Variants in SLC18A2 observed in about 807,000 individuals in gnomAD.
The protein encoded by SLC18A2 is solute carrier family 18 member A2.
A neutral mutation model predicts 59.2 loss-of-function variants in SLC18A2; 33 were observed. The observed-to-expected ratio is 0.56, with a 90% CI of 0.42 to 0.75. The LOEUF is 0.75. SLC18A2 is among the 30% of genes least tolerant of loss of function. The pLI, the probability that SLC18A2 is intolerant of heterozygous loss-of-function variation, is 0.00. For missense variants in SLC18A2, 569 were observed against 668.6 expected (o/e 0.85, Z 1.64); for synonymous variants, 228 against 253.5 (o/e 0.90, Z 0.95).
chr10:117,268,883 G>C (rs1844381889), intron 13 of SLC18A2, among the ~76,000 whole-genome samples: 1 of 150,550 alleles, frequency 6.6e-6, no homozygotes. Flanking sequence ...GTGTGTATGA[G>C]TGTGTATGTG....
rs1159604282 is a variant in SLC18A2, at chr10:117,268,838, G to GTA, written c.1186+1103_1186+1104insAT. On this transcript the variant is annotated intron_variant, in intron 13 of 15. Transcript: ENST00000644641. ...TGTATGTATGTTTATGTGTGTGTGT[G>GTA]TGTGTATGCATGTGTATCCATGTAT... Among the ~76,000 whole-genome samples, 109 of 152,216 alleles carry GTA rather than the reference G, an allele frequency of 7.2e-4. 1 individual carries two copies. Among genetic ancestry groups the GTA allele is most frequent in the African/African-American group, 2.6e-3 (106 of 41,522 alleles).
chr10:117,242,090 G>C (rs1038367517), intron 2 of SLC18A2, among the ~76,000 whole-genome samples: 1 of 152,188 alleles, frequency 6.6e-6, no homozygotes. Flanking sequence ...GCATCCTCTT[G>C]CCTGCTTTCA....
At chr10:117,271,685 C>T (rs1258318792) in intron 15 of SLC18A2, among the ~76,000 whole-genome samples, 1 of 152,140 alleles carries the variant, frequency 6.6e-6, no homozygotes, top group Non-Finnish European at 1.5e-5. Context: ...TAGATGCTTC[C>T]CCAGCTCTGA....
rs75360018 is a variant in SLC18A2 at position 117,249,856 on chromosome 10, G to A, written c.465-3543G>A. Among the ~76,000 whole-genome samples, 631 of 152,176 alleles carry A rather than the reference G, an allele frequency of 4.1e-3. 2 individuals carry two copies. The highest frequency in any genetic ancestry group is 0.014 in the African/African-American group (582 of 41,508). ...TTACTCAAATTGGATTAACTGCTTC[G>A]TGATGCTCTGTAGAGGATGACCGTG... On this transcript the variant is annotated intron_variant, in intron 3 of 15. Coordinates refer to ENST00000644641, the MANE Select transcript of SLC18A2 (RefSeq NM_003054.6).
In SLC18A2 at chr10:117,269,905, T is replaced by C. The variant is rs1215376188; in HGVS notation, c.1187-166T>C. ...CCTCTGGGGGTCAGAAAAGGCTTCC[T>C]TCATTCTTTCTACTCAAAGATTAGT... On this transcript the variant is annotated intron_variant, in intron 13 of 15. Transcript: ENST00000644641. This position sits in a 1 kb window ranked among gnomAD's most constrained non-coding sequence, Gnocchi z 5.1. 6.6e-6 allele frequency among the ~76,000 whole-genome samples: 1 copy of C among 152,214 alleles called. No homozygotes were observed. Among genetic ancestry groups the C allele is most frequent in the East Asian group, 1.9e-4 (1 of 5,194 alleles).
chr10:117,262,494 A>G (rs959105694), intron 10 of SLC18A2, among the ~76,000 whole-genome samples: 3 of 151,898 alleles, frequency 2.0e-5, no homozygotes, highest in African/African-American at 7.3e-5. Context: ...CTTGTTGCTC[A>G]TACCCGCTGC....
intron 13 of SLC18A2, chr10:117,268,652 C>G (rs950820263): frequency 6.5e-6 from 1 of 152,818 alleles, no homozygotes; most frequent in Admixed American, 6.5e-5. Flanking sequence ...CCTCACCACT[C>G]AGCACACCTG....
Position 117,254,404 on chromosome 10 carries a change from G to C in SLC18A2, c.608-1G>C. ...TGTTGACTATTTCTTTCCCTGTGTA[G>C]GGATGGGCATGCTTGCCAGTGTCTA... On this transcript the variant is annotated splice_acceptor_variant, in intron 5 of 15. Coordinates refer to ENST00000644641, the MANE Select transcript of SLC18A2 (RefSeq NM_003054.6). LOFTEE classifies it high-confidence loss of function. The C allele has an allele frequency of 6.3e-7, 1 of 1,585,334 alleles. No individual in the cohort carries two copies. Among genetic ancestry groups the C allele is most frequent in the South Asian group, 1.1e-5 (1 of 87,222 alleles).
chr10:117,261,654 C>A (rs944479197), intron 10 of SLC18A2, among the ~76,000 whole-genome samples: 1 of 152,156 alleles, frequency 6.6e-6, no homozygotes, highest in Non-Finnish European at 1.5e-5. Flanking sequence ...CCCTGTTCTG[C>A]CTGCCTCCCT....
In SLC18A2 at chr10:117,269,533, G is replaced by T. The variant is rs1399750206; in HGVS notation, c.1187-538G>T. The stretch of plus-strand genomic sequence containing the variant: ...GTGTGTGTTCAGAGTTCCTGGCTCA[G>T]ACTCCCTGGCTCAGTGAGTGTGGTC... On this transcript the variant is annotated intron_variant, in intron 13 of 15. Transcript: ENST00000644641. This position sits in a 1 kb window ranked among gnomAD's most constrained non-coding sequence, Gnocchi z 5.1. 6.6e-6 allele frequency among the ~76,000 whole-genome samples: 1 copy of T among 152,196 alleles called. No homozygotes were observed. Among genetic ancestry groups the T allele is most frequent in the Non-Finnish European group, 1.5e-5 (1 of 68,044 alleles).
chr10:117,246,643 A>G (rs929389591), intron 3 of SLC18A2, among the ~76,000 whole-genome samples: 1 of 151,074 alleles, frequency 6.6e-6, no homozygotes, highest in Non-Finnish European at 1.5e-5. Context: ...ATATGGAAGG[A>G]CAAACAAATT....
At chr10:117,266,589 G>T in intron 10 of SLC18A2, 144 bp from the exon 11 acceptor site, 1 of 664,728 alleles carries the variant, frequency 1.5e-6, no homozygotes, top group Non-Finnish European at 2.6e-6. Context: ...GATCCGGCAG[G>T]CGCCGGATAT....
chr10:117,273,231 G>T (rs888232983), intron 15 of SLC18A2, among the ~76,000 whole-genome samples: 1 of 152,124 alleles, frequency 6.6e-6, no homozygotes, highest in Non-Finnish European at 1.5e-5. Flanking sequence ...TATCAGTATA[G>T]GTGGAGGAAA....
At position 117,258,789 on chromosome 10, in the gene SLC18A2, C is replaced by G. The variant is rs1399307515; in HGVS notation, c.991+897C>G. On this transcript the variant is annotated intron_variant, in intron 10 of 15. Transcript: ENST00000644641. ...CTCTTTTTTTTTTTTTTTTTTGAGA[C>G]AAAGTCTCACTCTGTCACCCAGGCT... is the stretch of plus-strand genomic sequence containing the variant. Among the ~76,000 whole-genome samples, 42 of 124,566 alleles carry G rather than the reference C, an allele frequency of 3.4e-4. No individual in the cohort carries two copies. In the East Asian group the frequency reaches 5.9e-3, roughly 17 times the overall value. The allele number at this position is 124,566 out of a possible 152,430, so 81.7% of individuals were successfully genotyped here. A position where few individuals can be genotyped will look rare whatever the true frequency, so the allele number is the denominator to read the frequency against.
In SLC18A2 at chr10:117,266,589, G is replaced by A. The variant is rs1844351222; in HGVS notation, c.992-144G>A. The A allele has an allele frequency of 6.0e-6, 4 of 664,610 alleles. No homozygotes were observed. In the Admixed American group the frequency reaches 1.1e-4, roughly 18 times the overall value. The allele number at this position is 664,610 out of a possible 1,614,324, so 41.2% of individuals were successfully genotyped here. A position where few individuals can be genotyped will look rare whatever the true frequency, so the allele number is the denominator to read the frequency against. On this transcript the variant is annotated intron_variant, in intron 10 of 15. Coordinates refer to ENST00000644641, the MANE Select transcript of SLC18A2 (RefSeq NM_003054.6). ...CGTGGGTCCAGACCGGATCCGGCAG[G>A]CGCCGGATATTAGCTGCTGGGGTGT...
At chr10:117,274,715 A>G (rs1844465263) in intron 15 of SLC18A2, among the ~76,000 whole-genome samples, 1 of 151,956 alleles carries the variant, frequency 6.6e-6, no homozygotes, top group South Asian at 2.1e-4. Context: ...AACCTTTTCC[A>G]TCTTTCAAAG....
Position 117,277,299 on chromosome 10 carries a change from A to G in SLC18A2, c.*33A>G. On this transcript the variant is annotated 3_prime_UTR_variant, in exon 16 of 16. Transcript: ENST00000644641. The stretch of plus-strand genomic sequence containing the variant: ...TCCTCAAAAATCATCAAAGTGTTTA[A>G]TTGTATAAAACAGTGTTTCCAGTGA... 7.4e-7 allele frequency: 1 copy of G among 1,359,726 alleles called. No individual in the cohort carries two copies. Among genetic ancestry groups the G allele is most frequent in the Non-Finnish European group, 1.0e-6 (1 of 954,860 alleles). The allele number at this position is 1,359,726 out of a possible 1,614,324, so 84.2% of individuals were successfully genotyped here.
intron 3 of SLC18A2, among the ~76,000 whole-genome samples, chr10:117,249,609 A>G (rs1844140843): frequency 6.6e-6 from 1 of 152,134 alleles, no homozygotes; most frequent in African/African-American, 2.4e-5. Context: ...TGCTTCTTGT[A>G]ATTTACCACG....
chr10:117,242,229 C>T (rs1023875846), intron 2 of SLC18A2, among the ~76,000 whole-genome samples: 3 of 152,172 alleles, frequency 2.0e-5, no homozygotes, highest in Non-Finnish European at 4.4e-5. Context: ...GAGCAAGTTT[C>T]GATCCCTTAC....
Sources: allele counts gnomAD v4.1 joint callset (sites outside exome capture counted in the v4.1 genomes callset), GRCh38; gene constraint gnomAD v4.1.1; non-coding constraint Gnocchi (gnomAD v3.1); transcripts MANE v1.5; gene names NCBI Gene and HGNC (gene_info 2026-07-23, HGNC 2026-07-21).